Variants in LRP1B observed in about 807,000 individuals in gnomAD.
The protein encoded by LRP1B is LDL receptor related protein 1B, also known as low-density lipoprotein receptor-related protein 1B.
In LRP1B, 217 loss-of-function variants were observed where a neutral mutation model predicts 556.6. The observed-to-expected ratio is 0.39, with a 90% CI of 0.35 to 0.44. LRP1B has a LOEUF of 0.44. LRP1B is among the 20% of genes least tolerant of loss of function. The pLI, the probability that LRP1B is intolerant of heterozygous loss-of-function variation, is 1.00. For missense variants in LRP1B, 5,053 were observed against 5,620.8 expected, an observed-to-expected ratio of 0.90 and a Z score of 3.23; for synonymous variants, 2,047 against 1,865.8, an observed-to-expected ratio of 1.10 and a Z score of -2.50.
chr2:141,469,053 C>A (rs964829235), intron 3 of LRP1B, among the ~76,000 whole-genome samples: 1 of 152,136 alleles, frequency 6.6e-6, no homozygotes, highest in Non-Finnish European at 1.5e-5. Flanking sequence ...TTTTCTTAAT[C>A]GCAAGCCTAA....
intron 2 of LRP1B, among the ~76,000 whole-genome samples, chr2:141,487,444 C>A (rs1452160439): frequency 6.6e-6 from 1 of 152,096 alleles, no homozygotes; most frequent in Admixed American, 6.6e-5. Flanking sequence ...TACTCTTTTC[C>A]ACCATTAATG....
In LRP1B at chr2:140,432,751, T is replaced by A. The variant is rs114800326; in HGVS notation, c.10414+9753A>T. 4.3e-3 allele frequency among the ~76,000 whole-genome samples: 661 copies of A among 152,370 alleles called. 6 individuals carry two copies. The highest frequency in any genetic ancestry group is 0.015 in the African/African-American group (644 of 41,586). On this transcript the variant is annotated intron_variant, in intron 66 of 90. Coordinates refer to ENST00000389484, the MANE Select transcript of LRP1B (RefSeq NM_018557.3). ...CAATTTTAAGAAGCAGCTAGAAATATTTGTATAAGCTATCTAACATCCTGA... is the reference window on the plus strand; with the variant it reads ...CAATTTTAAGAAGCAGCTAGAAATAATTGTATAAGCTATCTAACATCCTGA...
At chr2:140,359,043 G>T (rs1682382313) in intron 72 of LRP1B, 97 bp from the exon 73 acceptor site, 1 of 1,229,194 alleles carries the variant, frequency 8.1e-7, no homozygotes, top group Non-Finnish European at 1.1e-6. Flanking sequence ...AAATCCATAA[G>T]CTAGCTTTTC....
chr2:140,947,967 T>C (rs1261965470), intron 20 of LRP1B, among the ~76,000 whole-genome samples: 1 of 152,142 alleles, frequency 6.6e-6, no homozygotes, highest in African/African-American at 2.4e-5. Flanking sequence ...GTGCTCTAAA[T>C]AAGGCCATTA....
intron 37 of LRP1B, among the ~76,000 whole-genome samples, chr2:140,704,867 ATTATT>A (rs1319738435): frequency 6.6e-6 from 1 of 152,190 alleles, no homozygotes; most frequent in East Asian, 1.9e-4. Context: ...TAATAAAAAT[ATTATT>A]TTGAGTGAAC....
At chr2:140,279,698 G>T (rs528692675) in intron 84 of LRP1B, among the ~76,000 whole-genome samples, 69 of 151,422 alleles carry the variant, frequency 4.6e-4, no homozygotes, top group Non-Finnish European at 8.9e-4. Flanking sequence ...AATAGTATAT[G>T]AGAAGGCTTC....
intron 2 of LRP1B, among the ~76,000 whole-genome samples, chr2:141,743,498 TTTC>T (rs1432569522): frequency 5.0e-4 from 56 of 112,724 alleles, no homozygotes; most frequent in African/African-American, 2.0e-3. Context: ...TTTTTTTTTT[TTTC>T]TTTTTTTTTT....
At chr2:140,732,942 C>T (rs111347842) in intron 35 of LRP1B, among the ~76,000 whole-genome samples, 32 of 152,064 alleles carry the variant, frequency 2.1e-4, no homozygotes, top group Admixed American at 8.5e-4. Context: ...TCTGAAATAG[C>T]TATCTTGAAA....
chr2:141,400,701 A>G (rs1052819783), intron 3 of LRP1B, among the ~76,000 whole-genome samples: 8 of 152,166 alleles, frequency 5.3e-5, no homozygotes, highest in Non-Finnish European at 1.2e-4. Flanking sequence ...AAAAATCAGT[A>G]TCTTTTTAAT....
rs1385894466 is a variant in LRP1B at position 140,702,241 on chromosome 2, C to T, written c.6202G>A (p.Asp2068Asn). The T allele has an allele frequency of 3.1e-6, 5 of 1,613,650 alleles. No homozygotes were observed. The highest frequency in any genetic ancestry group is 1.1e-5 in the South Asian group (1 of 91,086). ...DARTDKIERIDLETGGNREMV... is the reference protein window; with the variant it reads ...DARTDKIERINLETGGNREMV... ...TCGCGATTCCCTCCAGTCTCAAGGT[C>T]GATTCTCTCTATCTTGTCTGTGCGA... is the stretch of plus-strand genomic sequence containing the variant. The change falls in exon 39 of 91, where the codon GAC becomes AAC. Residue 2068 changes from aspartate (D) to asparagine (N), a missense_variant. Asp to Asn is a conservative substitution (Grantham distance 23). This residue lies in a region of LRP1B where 3,619 missense variants were observed against 3,931.9 expected (regional missense o/e 0.92). Coordinates refer to ENST00000389484, the MANE Select transcript of LRP1B (RefSeq NM_018557.3).
At chr2:141,696,073 A>T (rs1369651499) in intron 2 of LRP1B, among the ~76,000 whole-genome samples, 1 of 151,930 alleles carries the variant, frequency 6.6e-6, no homozygotes, top group Non-Finnish European at 1.5e-5. Flanking sequence ...TGTTTTCCTT[A>T]ATCAGATAAC....
intron 15 of LRP1B, among the ~76,000 whole-genome samples, chr2:141,004,201 G>C (rs1697504954): frequency 6.6e-6 from 1 of 152,032 alleles, no homozygotes; most frequent in South Asian, 2.1e-4. Flanking sequence ...ATGCCAACTT[G>C]ACTGGTACAT....
intron 23 of LRP1B, among the ~76,000 whole-genome samples, chr2:140,893,465 AG>A (rs1693858602): frequency 1.3e-5 from 2 of 152,158 alleles, no homozygotes; most frequent in Non-Finnish European, 2.9e-5. Flanking sequence ...TCCTGCTTTG[AG>A]GTCAGGAAGA....
At chr2:141,188,764 A>T (rs1681372722) in intron 6 of LRP1B, among the ~76,000 whole-genome samples, 181 bp from the exon 7 acceptor site, 1 of 152,036 alleles carries the variant, frequency 6.6e-6, no homozygotes, top group South Asian at 2.1e-4. Context: ...ATGTAAAATA[A>T]TTATCTTGGT....
intron 1 of LRP1B, among the ~76,000 whole-genome samples, chr2:142,080,243 G>A (rs1705661623): frequency 6.6e-6 from 1 of 152,118 alleles, no homozygotes; most frequent in Non-Finnish European, 1.5e-5. Context: ...TATTAAATCT[G>A]TCCTCTCATT....
At chr2:140,407,905 A>G (rs1220852976) in intron 66 of LRP1B, among the ~76,000 whole-genome samples, 2 of 152,068 alleles carry the variant, frequency 1.3e-5, no homozygotes, top group Non-Finnish European at 2.9e-5. Context: ...ACACTTCACC[A>G]CTGCAAAAAT....
chr2:141,766,008 A>T (rs544830792), intron 2 of LRP1B, among the ~76,000 whole-genome samples: 1 of 152,298 alleles, frequency 6.6e-6, no homozygotes, highest in Non-Finnish European at 1.5e-5. Flanking sequence ...CGTGAAAAAA[A>T]TCACCCCATT....
At chr2:141,425,005 G>C (rs1680300625) in intron 3 of LRP1B, among the ~76,000 whole-genome samples, 1 of 151,496 alleles carries the variant, frequency 6.6e-6, no homozygotes, top group Non-Finnish European at 1.5e-5. Flanking sequence ...TGCCATGCTG[G>C]TGTGCTGCAC....
intron 2 of LRP1B, among the ~76,000 whole-genome samples, chr2:141,792,456 A>G (rs567993911): frequency 5.9e-5 from 9 of 152,146 alleles, no homozygotes; most frequent in African/African-American, 1.9e-4. Context: ...ATCATGAAAA[A>G]TTACCAGTGA....
Sources: allele counts gnomAD v4.1 joint callset (sites outside exome capture counted in the v4.1 genomes callset), GRCh38; gene constraint gnomAD v4.1.1; regional missense constraint gnomAD v4.1.1; transcripts MANE v1.5; gene names NCBI Gene and HGNC (gene_info 2026-07-23, HGNC 2026-07-21).